NT5C3A: variants seen among roughly 807,000 people sequenced by gnomAD.
NT5C3A encodes 5'-nucleotidase, cytosolic IIIA, also known as cytosolic 5'-nucleotidase 3A.
A neutral mutation model predicts 40.0 loss-of-function variants in NT5C3A; 23 were observed. The observed-to-expected ratio is 0.58, with a 90% confidence interval of 0.41 to 0.81. The LOEUF (loss-of-function observed/expected upper bound fraction) is 0.81. Among genes scored for constraint, NT5C3A ranks in the 40% least tolerant of loss-of-function variants. NT5C3A has a pLI of 0.00. For missense variants in NT5C3A, 328 were observed against 403.0 expected (o/e 0.81, Z 1.59); for synonymous variants, 130 against 141.4 (o/e 0.92, Z 0.57).
At chr7:33,054,437 A>C (rs1047356228) in intron 1 of NT5C3A, among the ~76,000 whole-genome samples, 5 of 152,140 alleles carry the variant, frequency 3.3e-5, no homozygotes, top group Admixed American at 1.3e-4. Context: ...ACATCACCAC[A>C]GCCATGAATC....
chr7:33,028,838 G>A (rs965753421), intron 1 of NT5C3A, among the ~76,000 whole-genome samples: 25 of 151,982 alleles, frequency 1.6e-4, no homozygotes, highest in African/African-American at 5.6e-4. Flanking sequence ...GGCAGATCAC[G>A]AGGTCAGGAG....
intron 1 of NT5C3A, among the ~76,000 whole-genome samples, chr7:33,060,353 G>A (rs1609543): frequency 2.1e-5 from 3 of 145,764 alleles, no homozygotes; most frequent in Non-Finnish European, 4.5e-5. Context: ...ATCCCATTCC[G>A]TATCTTGCTT....
intron 1 of NT5C3A, among the ~76,000 whole-genome samples, chr7:33,061,200 A>C (rs1011614677): frequency 3.3e-5 from 5 of 152,344 alleles, no homozygotes; most frequent in African/African-American, 9.6e-5. Flanking sequence ...TGGGCAAAAG[A>C]AAGCCAAGTT....
chr7:33,021,791 A>C, intron 4 of NT5C3A: 2 of 477,136 alleles, frequency 4.2e-6, no homozygotes, highest in Non-Finnish European at 7.5e-6. Flanking sequence ...TAACGTTACA[A>C]CACCAGAATA....
intron 2 of NT5C3A, among the ~76,000 whole-genome samples, chr7:33,025,507 A>G (rs1406191540): frequency 6.6e-6 from 1 of 152,198 alleles, no homozygotes; most frequent in African/African-American, 2.4e-5. Context: ...TTTAATTTAC[A>G]TGTAACACAT....
chr7:33,042,711 T>C (rs1786979978), intron 1 of NT5C3A, among the ~76,000 whole-genome samples: 1 of 152,252 alleles, frequency 6.6e-6, no homozygotes, highest in Admixed American at 6.5e-5. Context: ...TTAGAAATAC[T>C]ATTAAAAGCA....
chr7:33,019,777 T>G (rs1308137141), intron 5 of NT5C3A, 53 bp from the exon 6 acceptor site: 6 of 926,580 alleles, frequency 6.5e-6, no homozygotes, highest in Non-Finnish European at 1.1e-5. Context: ...AAACTAAAAT[T>G]ATTATCTTTA....
chr7:33,017,505 A>T lies in NT5C3A; in HGVS notation c.627T>A (p.Ile209=), dbSNP rs774459508. Residue 209 remains isoleucine (I), a synonymous_variant, in exon 7 of 9, where the codon ATT becomes ATA. Coordinates refer to ENST00000610140, the MANE Select transcript of NT5C3A (RefSeq NM_001002010.5). The part of the protein sequence containing the change: ...AGIGDVLEEV[I]RQAGVYHPNV... ...TGGGATGATAAACACCAGCTTGACG[A>T]ATAACTTCCTCTAGTACATCGCCGA... 3.1e-6 allele frequency: 5 copies of T among 1,613,786 alleles called. No individual in the cohort carries two copies. The South Asian group carries it at 5.5e-5, about 18-fold the overall frequency.
chr7:33,029,357 T>C (rs1396682140), intron 1 of NT5C3A: 1 of 308,916 alleles, frequency 3.2e-6, no homozygotes, highest in East Asian at 8.2e-5. Context: ...GAGTAGTATT[T>C]ACTCTGCTTT....
rs1277963079 is a variant in NT5C3A at position 33,019,911 on chromosome 7, CT to C, written c.441-188del. 4.6e-5 allele frequency among the ~76,000 whole-genome samples: 7 copies of C among 152,292 alleles called. No homozygotes were observed. In the East Asian group the frequency reaches 1.3e-3, roughly 29 times the overall value. Reference sequence around the variant, plus strand: ...TCAAAATGTGATATGCATGTTCTTACTGAGTTTCCCAGTCCTCCCAAACCCA... The same window carrying C: ...TCAAAATGTGATATGCATGTTCTTACGAGTTTCCCAGTCCTCCCAAACCCA... On this transcript the variant is annotated intron_variant, in intron 5 of 8. Coordinates refer to ENST00000610140, the MANE Select transcript of NT5C3A (RefSeq NM_001002010.5).
In NT5C3A at chr7:33,021,271, C is replaced by T. The variant is rs753248323; in HGVS notation, c.440+1G>A. 1.2e-6 allele frequency: 2 copies of T among 1,612,096 alleles called. No homozygotes were observed. Among genetic ancestry groups the T allele is most frequent in the Admixed American group, 3.3e-5 (2 of 59,962 alleles). On this transcript the variant is annotated splice_donor_variant, in intron 5 of 8. Transcript: ENST00000610140. LOFTEE classifies it high-confidence loss of function. ...CCTCCTACTGCCTAATATACACTTA[C>T]CATTCCACCATATAAGGGTACTTCT...
Position 33,014,567 on chromosome 7 carries a change from G to C in NT5C3A, c.*163C>G. 2 of 992,748 alleles carry C rather than the reference G, an allele frequency of 2.0e-6. No individual in the cohort carries two copies. Among genetic ancestry groups the C allele is most frequent in the Non-Finnish European group, 3.0e-6 (2 of 662,868 alleles). 61.5% of individuals were successfully genotyped at this position (992,748 alleles called of 1,614,324 possible). Reference sequence around the variant, plus strand: ...AGTGTGTTGAGAGAGGTGGAGAAAAGGAGCTTCCAGTCAATGCATTCACCA... The same window carrying C: ...AGTGTGTTGAGAGAGGTGGAGAAAACGAGCTTCCAGTCAATGCATTCACCA... On this transcript the variant is annotated 3_prime_UTR_variant, in exon 9 of 9. Coordinates refer to ENST00000610140, the MANE Select transcript of NT5C3A (RefSeq NM_001002010.5).
chr7:33,029,632 A>G, intron 1 of NT5C3A: 1 of 1,287,912 alleles, frequency 7.8e-7, no homozygotes, highest in Non-Finnish European at 1.0e-6. Flanking sequence ...GTCTTACCTC[A>G]GGCAAATCAC....
chr7:33,047,954 G>T (rs1787220203), intron 1 of NT5C3A, among the ~76,000 whole-genome samples: 1 of 151,996 alleles, frequency 6.6e-6, no homozygotes, highest in Admixed American at 6.6e-5. Context: ...CAAGTAGCTG[G>T]AACTATAGGC....
rs1785209072 is a variant in NT5C3A at position 33,014,347 on chromosome 7, A to G, written c.*383T>C. 1 of 454,532 alleles carries G rather than the reference A, an allele frequency of 2.2e-6. No homozygotes were observed. Among genetic ancestry groups the G allele is most frequent in the Non-Finnish European group, 4.4e-6 (1 of 227,200 alleles). 28.2% of individuals were successfully genotyped at this position (454,532 alleles called of 1,614,324 possible). A position where few individuals can be genotyped will look rare whatever the true frequency, so the allele number is the denominator to read the frequency against. On this transcript the variant is annotated 3_prime_UTR_variant, in exon 9 of 9. Transcript: ENST00000610140. ...TAACCCAAATTACAAAAATGGCAAT[A>G]CTTAAAATCATGCATATTATTTCAC...
At chr7:33,054,337 G>A (rs1281041443) in intron 1 of NT5C3A, among the ~76,000 whole-genome samples, 3 of 144,036 alleles carry the variant, frequency 2.1e-5, no homozygotes, top group Non-Finnish European at 4.5e-5. Context: ...CTGGGTGGCA[G>A]AGTAAGACCC....
intron 1 of NT5C3A, among the ~76,000 whole-genome samples, chr7:33,040,137 T>C (rs371334618): frequency 3.3e-5 from 5 of 152,260 alleles, no homozygotes; most frequent in African/African-American, 2.4e-5. Flanking sequence ...TACCCAGAGA[T>C]GCCGGGCTTG....
At chr7:33,014,902 G>A (rs1049242365) in intron 8 of NT5C3A, 71 bp from the exon 9 acceptor site, 15 of 1,311,762 alleles carry the variant, frequency 1.1e-5, no homozygotes, top group Middle Eastern at 1.8e-4. Context: ...TATGAATCTC[G>A]TTGTTAGATC....
chr7:33,017,910 C>T (rs921842233), intron 6 of NT5C3A, among the ~76,000 whole-genome samples: 1 of 152,178 alleles, frequency 6.6e-6, no homozygotes, highest in East Asian at 1.9e-4. Flanking sequence ...GCAGGCATAG[C>T]AGTGCATGCC....
Sources: gnomAD v4.1 joint callset for allele counts (sites outside exome capture counted in the v4.1 genomes callset) on GRCh38, gnomAD v4.1.1 for gene constraint, MANE v1.5 for transcripts, NCBI Gene and HGNC (gene_info 2026-07-23, HGNC 2026-07-21) for gene names.